Variants in STK3 observed in about 807,000 individuals in gnomAD.
STK3 encodes the protein serine/threonine kinase 3.
STK3 carries 41 observed loss-of-function variants against 58.0 expected under a neutral mutation model. That is an observed-to-expected ratio of 0.71 (90% CI 0.55 to 0.92). The LOEUF (loss-of-function observed/expected upper bound fraction) is 0.92, where lower values mean the gene tolerates loss of function less well. Ranked by LOEUF, STK3 falls within the 40% of genes least tolerant of loss-of-function variation. The pLI is 0.00. For synonymous variants in STK3, 170 were observed against 191.0 expected, an observed-to-expected ratio of 0.89 and a Z score of 0.91; for missense variants, 479 against 602.7, an observed-to-expected ratio of 0.79 and a Z score of 2.15.
Position 98,455,734 on chromosome 8 carries a change from TGCC to T in STK3, c.*105_*107del. 2 of 1,386,444 alleles carry T rather than the reference TGCC, an allele frequency of 1.4e-6. No individual in the cohort carries two copies. The highest frequency in any genetic ancestry group is 4.6e-5 in the Admixed American group (2 of 43,846). 85.9% of individuals were successfully genotyped at this position (1,386,444 alleles called of 1,614,324 possible). On this transcript the variant is annotated 3_prime_UTR_variant, in exon 11 of 11. Transcript: ENST00000419617. ...TGTACCATTGTCACTTTTTGACCTC[TGCC>T]TAATTGTAGGGCAAAATCTTAGGAT...
intron 3 of STK3, among the ~76,000 whole-genome samples, chr8:98,755,758 C>T (rs1423988172): frequency 6.6e-6 from 1 of 152,170 alleles, no homozygotes; most frequent in Non-Finnish European, 1.5e-5. Context: ...TTATCTGCCT[C>T]CCCCAGAAGA....
intron 1 of STK3, among the ~76,000 whole-genome samples, chr8:98,887,241 A>G (rs546522212): frequency 1.6e-4 from 24 of 152,088 alleles, no homozygotes; most frequent in Non-Finnish European, 3.1e-4. Context: ...ACAACCATCC[A>G]TTTTCCCCCC....
chr8:98,901,425 T>A (rs1838651922), intron 1 of STK3, among the ~76,000 whole-genome samples: 1 of 152,220 alleles, frequency 6.6e-6, no homozygotes, highest in Non-Finnish European at 1.5e-5. Context: ...GAAATATGCT[T>A]AGAGATTACA....
intron 6 of STK3, among the ~76,000 whole-genome samples, chr8:98,701,125 G>T (rs1228028859): frequency 6.7e-6 from 1 of 149,188 alleles, no homozygotes; most frequent in Non-Finnish European, 1.5e-5. Flanking sequence ...AGCTGTGATT[G>T]TGCCACTGCA....
chr8:98,369,580 G>A (rs1264445333), downstream of STK3, among the ~76,000 whole-genome samples: 1 of 152,140 alleles, frequency 6.6e-6, no homozygotes, highest in Non-Finnish European at 1.5e-5. Flanking sequence ...AGTTTCATGT[G>A]CCCTACAATT....
intron 7 of STK3, among the ~76,000 whole-genome samples, chr8:98,587,206 A>G (rs546780241): frequency 0.011 from 1,617 of 151,912 alleles, 16 homozygotes; most frequent in Admixed American, 0.049. Context: ...TCAATTTTGG[A>G]TCTTTCCTGC....
At chr8:98,934,102 A>T (rs2132045390) in intron 1 of STK3, among the ~76,000 whole-genome samples, 1 of 152,312 alleles carries the variant, frequency 6.6e-6, no homozygotes, top group Middle Eastern at 3.4e-3. Context: ...AGGTTATATT[A>T]ATAAAAAGGC....
chr8:98,614,007 T>C (rs945151948), intron 6 of STK3, among the ~76,000 whole-genome samples: 18 of 152,138 alleles, frequency 1.2e-4, no homozygotes, highest in African/African-American at 4.3e-4. Flanking sequence ...CAAGCACTAA[T>C]GTATATGTAC....
intron 3 of STK3, among the ~76,000 whole-genome samples, chr8:98,865,433 A>G (rs1214149194): frequency 1.3e-5 from 2 of 151,934 alleles, no homozygotes; most frequent in East Asian, 3.9e-4. Flanking sequence ...GTGCAATGGC[A>G]TGATATCACT....
chr8:98,635,166 T>C (rs938770549), intron 6 of STK3, among the ~76,000 whole-genome samples: 1 of 152,150 alleles, frequency 6.6e-6, no homozygotes, highest in Non-Finnish European at 1.5e-5. Context: ...GCCATTTAAC[T>C]AGGACTTTTT....
chr8:98,694,832 G>A (rs540539974), intron 6 of STK3, among the ~76,000 whole-genome samples: 43 of 152,292 alleles, frequency 2.8e-4, no homozygotes, highest in Middle Eastern at 3.4e-3. Context: ...TGTCTTTATA[G>A]TAGCATGATT....
intron 4 of STK3, among the ~76,000 whole-genome samples, chr8:98,748,428 GA>G (rs1337545053): frequency 6.6e-6 from 1 of 151,634 alleles, no homozygotes; most frequent in Non-Finnish European, 1.5e-5. Flanking sequence ...CTCTAACAGG[GA>G]AAAAAAATTA....
intron 3 of STK3, among the ~76,000 whole-genome samples, chr8:98,396,031 T>C (rs1817894673): frequency 6.6e-6 from 1 of 152,242 alleles, no homozygotes; most frequent in African/African-American, 2.4e-5. Flanking sequence ...AAATGTTGTG[T>C]ATTAAAAACA....
chr8:98,925,654 G>A (rs1451661669), intron 1 of STK3, among the ~76,000 whole-genome samples: 1 of 152,076 alleles, frequency 6.6e-6, no homozygotes, highest in Non-Finnish European at 1.5e-5. Context: ...AAGTTGTATT[G>A]TTGTTGGCCC....
chr8:98,914,566 A>C (rs188940559), intron 1 of STK3, among the ~76,000 whole-genome samples: 1 of 152,240 alleles, frequency 6.6e-6, no homozygotes, highest in Admixed American at 6.5e-5. Context: ...ACACAGGCCC[A>C]AATTGCTCAA....
intron 1 of STK3, among the ~76,000 whole-genome samples, chr8:98,816,521 C>A (rs1834555277): frequency 6.6e-6 from 1 of 150,490 alleles, no homozygotes; most frequent in Non-Finnish European, 1.5e-5. Context: ...AAAAAACAAA[C>A]AAACAAACAA....
chr8:98,479,151 G>C (rs1821618148), intron 10 of STK3, among the ~76,000 whole-genome samples: 1 of 152,126 alleles, frequency 6.6e-6, no homozygotes, highest in African/African-American at 2.4e-5. Context: ...CTGCGTGATA[G>C]TGCAGGTGTG....
chr8:98,850,775 G>A (rs1836435156), intron 3 of STK3, among the ~76,000 whole-genome samples: 1 of 152,184 alleles, frequency 6.6e-6, no homozygotes, highest in Non-Finnish European at 1.5e-5. Context: ...AACCACACCT[G>A]TGTGCCTGGG....
intron 4 of STK3, among the ~76,000 whole-genome samples, chr8:98,710,719 G>C (rs1826345559): frequency 6.6e-6 from 1 of 152,204 alleles, no homozygotes; most frequent in Non-Finnish European, 1.5e-5. Context: ...CTGGGGGCAG[G>C]GCATAGCCAA....
Sources: allele counts gnomAD v4.1 joint callset (sites outside exome capture counted in the v4.1 genomes callset), GRCh38; gene constraint gnomAD v4.1.1; transcripts MANE v1.5; gene names NCBI Gene and HGNC (gene_info 2026-07-23, HGNC 2026-07-21).